The following TNRC6B variants were observed in gnomAD, a reference collection of about 807,000 sequenced individuals.
TNRC6B encodes trinucleotide repeat containing adaptor 6B.
Under a neutral mutation model 203.6 loss-of-function variants are expected in TNRC6B, and 52 were observed. The ratio of observed to expected loss-of-function variants is 0.26; its 90% CI spans 0.20 to 0.32. TNRC6B has a LOEUF of 0.32. Ranked by LOEUF, TNRC6B falls within the 10% of genes least tolerant of loss-of-function variation. The pLI, the probability that TNRC6B is intolerant of heterozygous loss-of-function variation, is 1.00. For missense variants in TNRC6B, 1,923 were observed against 2,286.2 expected (o/e 0.84, Z 3.24); for synonymous variants, 838 against 845.7 (o/e 0.99, Z 0.16).
chr22:40,081,968 C>T (rs2068067080), intron 1 of TNRC6B, among the ~76,000 whole-genome samples: 2 of 151,960 alleles, frequency 1.3e-5, no homozygotes. Flanking sequence ...GCTTCCCATT[C>T]AAAGCAACAA....
chr22:40,052,117 T>G (rs1294248323), intron 1 of TNRC6B, among the ~76,000 whole-genome samples: 1 of 152,170 alleles, frequency 6.6e-6, no homozygotes, highest in Non-Finnish European at 1.5e-5. Context: ...ACCAGCTTCC[T>G]TATCCAAATG....
chr22:40,257,532 C>A (rs1204764994), intron 3 of TNRC6B, among the ~76,000 whole-genome samples: 2 of 148,730 alleles, frequency 1.3e-5, no homozygotes, highest in African/African-American at 2.5e-5. Flanking sequence ...GCCTGGCCAA[C>A]ATGGTGAAAC....
chr22:40,095,250 AG>A (rs2068178526), intron 1 of TNRC6B, among the ~76,000 whole-genome samples: 1 of 152,206 alleles, frequency 6.6e-6, no homozygotes, highest in Non-Finnish European at 1.5e-5. Context: ...AACCAAATAA[AG>A]ATTTATTTTT....
intron 1 of TNRC6B, among the ~76,000 whole-genome samples, chr22:40,211,033 T>C (rs1024511082): frequency 3.3e-5 from 5 of 152,172 alleles, no homozygotes; most frequent in African/African-American, 1.2e-4. Context: ...CACTCTTCTT[T>C]TTCACTTCCC....
intron 1 of TNRC6B, among the ~76,000 whole-genome samples, chr22:40,211,207 C>T (rs926644205): frequency 2.6e-5 from 4 of 151,978 alleles, no homozygotes; most frequent in African/African-American, 4.8e-5. Context: ...CAGCCTCCTA[C>T]GTAGCTGGGA....
intron 1 of TNRC6B, among the ~76,000 whole-genome samples, chr22:40,045,784 G>A (rs4820396): frequency 4.7e-4 from 72 of 152,334 alleles, no homozygotes; most frequent in Middle Eastern, 3.4e-3. Flanking sequence ...ACACGCTGTA[G>A]TGGTTAAAGA....
chr22:40,264,156 G>C (rs2070433547), intron 4 of TNRC6B, among the ~76,000 whole-genome samples: 1 of 152,210 alleles, frequency 6.6e-6, no homozygotes, highest in Non-Finnish European at 1.5e-5. Flanking sequence ...GGAATGTCAA[G>C]TAGTATCGAA....
chr22:40,177,873 C>G, upstream of TNRC6B: 1 of 1,311,518 alleles, frequency 7.6e-7, no homozygotes, highest in Non-Finnish European at 9.7e-7. Context: ...CAAACCTACC[C>G]GAAGTCACAT....
intron 21 of TNRC6B, among the ~76,000 whole-genome samples, chr22:40,319,764 T>A (rs952287322): frequency 1.3e-5 from 2 of 152,188 alleles, no homozygotes; most frequent in African/African-American, 4.8e-5. Context: ...AATTTGTAAA[T>A]TAAACTTTGT....
intron 12 of TNRC6B, among the ~76,000 whole-genome samples, chr22:40,290,433 G>A (rs914448235): frequency 3.9e-5 from 6 of 152,158 alleles, no homozygotes; most frequent in African/African-American, 1.4e-4. Context: ...TCTTTACTCT[G>A]GTCTTTGAGG....
chr22:40,247,431 A>T (rs928845356), intron 2 of TNRC6B, among the ~76,000 whole-genome samples: 1 of 152,180 alleles, frequency 6.6e-6, no homozygotes, highest in Non-Finnish European at 1.5e-5. Context: ...TCATAACTCA[A>T]TTTTTTGAAT....
chr22:40,322,296 G>A (rs1413789769), intron 22 of TNRC6B, among the ~76,000 whole-genome samples: 1 of 152,182 alleles, frequency 6.6e-6, no homozygotes, highest in Non-Finnish European at 1.5e-5. Context: ...CACATGAATA[G>A]CCTCCACTAT....
At chr22:40,241,968 TTTG>T (rs1325850471) in intron 1 of TNRC6B, among the ~76,000 whole-genome samples, 1 of 152,262 alleles carries the variant, frequency 6.6e-6, no homozygotes, top group Non-Finnish European at 1.5e-5. Flanking sequence ...CCCATCATTC[TTTG>T]AGCACTCTTT....
chr22:40,112,248 A>G (rs2068343650), intron 1 of TNRC6B, among the ~76,000 whole-genome samples: 1 of 152,234 alleles, frequency 6.6e-6, no homozygotes. Flanking sequence ...AAGAGGTAGC[A>G]AAAGTACTGC....
chr22:40,321,368 A>C, intron 22 of TNRC6B, 139 bp downstream of exon 22: 2 of 977,956 alleles, frequency 2.0e-6, no homozygotes, highest in Non-Finnish European at 3.0e-6. Flanking sequence ...GCAAGTCTCG[A>C]GTGTGGAGAG....
At chr22:40,299,307 T>C (rs2070991346) in intron 12 of TNRC6B, among the ~76,000 whole-genome samples, 1 of 151,616 alleles carries the variant, frequency 6.6e-6, no homozygotes, top group African/African-American at 2.4e-5. Flanking sequence ...TGGCACCATC[T>C]TGGCTCACCA....
intron 1 of TNRC6B, among the ~76,000 whole-genome samples, chr22:40,239,113 G>A (rs2069990587): frequency 1.3e-5 from 2 of 152,186 alleles, no homozygotes; most frequent in South Asian, 4.1e-4. Flanking sequence ...TGAGGCGTGA[G>A]AATCACTTGA....
intron 3 of TNRC6B, among the ~76,000 whole-genome samples, chr22:40,127,989 A>G (rs2068508987): frequency 6.6e-6 from 1 of 152,260 alleles, no homozygotes; most frequent in Non-Finnish European, 1.5e-5. Flanking sequence ...TTACTGTGCC[A>G]TAAACTCAGT....
intron 3 of TNRC6B, among the ~76,000 whole-genome samples, chr22:40,155,951 A>G (rs2068815605): frequency 6.6e-6 from 1 of 152,102 alleles, no homozygotes; most frequent in African/African-American, 2.4e-5. Context: ...TTTTCTGCAG[A>G]TCTAATCACT....
Sources: gnomAD v4.1 joint callset for allele counts (sites outside exome capture counted in the v4.1 genomes callset) on GRCh38, gnomAD v4.1.1 for gene constraint, MANE v1.5 for transcripts, NCBI Gene and HGNC (gene_info 2026-07-23, HGNC 2026-07-21) for gene names.